The following GRSF1 variants were observed in gnomAD, a reference collection of about 807,000 sequenced individuals.
GRSF1 encodes the protein G-rich RNA sequence binding factor 1.
In GRSF1, 50 loss-of-function variants were observed where a neutral mutation model predicts 51.1. The observed-to-expected ratio is 0.98, with a 90% CI of 0.78 to 1.24. The LOEUF is 1.24. Among genes scored for constraint, GRSF1 ranks in the 50% most tolerant of loss-of-function variants. The probability of loss-of-function intolerance (pLI) is 0.00; values close to 1 mark genes in which losing one functional copy is unlikely to be tolerated. For synonymous variants in GRSF1, 293 were observed against 253.3 expected (o/e 1.16, Z -1.49); for missense variants, 700 against 639.7 (o/e 1.09, Z -1.02).
intron 5 of GRSF1, 128 bp from the exon 6 acceptor site, chr4:70,828,164 GTAGGGAAAACTAATAATGCA>G: frequency 1.5e-6 from 1 of 681,304 alleles, no homozygotes; most frequent in South Asian, 1.8e-5. Flanking sequence ...AAGATAACAG[GTAGGGAAAACTAATAATGCA>G]TACAGATAGT....
chr4:70,832,179 G>T, intron 4 of GRSF1, 128 bp downstream of exon 4: 1 of 549,116 alleles, frequency 1.8e-6, no homozygotes, highest in Non-Finnish European at 3.0e-6. Context: ...TTTAAGTGAA[G>T]AGCTCTCCCC....
intron 3 of GRSF1, among the ~76,000 whole-genome samples, 195 bp from the exon 4 acceptor site, chr4:70,832,645 C>T (rs554193816): frequency 6.6e-6 from 1 of 152,304 alleles, no homozygotes; most frequent in Non-Finnish European, 1.5e-5. Flanking sequence ...TTATTTCTCA[C>T]AGCTTGTAAG....
intron 6 of GRSF1, 83 bp from the exon 7 acceptor site, chr4:70,826,328 G>T: frequency 8.6e-7 from 1 of 1,168,510 alleles, no homozygotes; most frequent in African/African-American, 1.6e-5. Context: ...TGACTTTTAT[G>T]TCCAAATCCT....
chr4:70,824,756 C>G (rs1343046513), intron 8 of GRSF1, among the ~76,000 whole-genome samples: 1 of 152,138 alleles, frequency 6.6e-6, no homozygotes, highest in Non-Finnish European at 1.5e-5. Context: ...GCACTACAGA[C>G]TGGGCGACAG....
chr4:70,831,192 C>T (rs965505871), intron 5 of GRSF1, among the ~76,000 whole-genome samples: 1 of 151,926 alleles, frequency 6.6e-6, no homozygotes, highest in Non-Finnish European at 1.5e-5. Context: ...CCCGTCTCTA[C>T]TAAAAATACA....
chr4:70,838,316 T>C (rs11729825), intron 1 of GRSF1, among the ~76,000 whole-genome samples: 16,980 of 151,168 alleles, frequency 0.11, 1,353 homozygotes, highest in Non-Finnish European at 0.18. Context: ...ATCACCGCAG[T>C]CAATTTCATA....
At chr4:70,826,348 T>C (rs1328807438) in intron 6 of GRSF1, 103 bp from the exon 7 acceptor site, 2 of 983,574 alleles carry the variant, frequency 2.0e-6, no homozygotes, top group African/African-American at 3.3e-5. Context: ...TCAATTCCTC[T>C]TAAGAGCATT....
At chr4:70,840,949 T>C (rs557293151), upstream of GRSF1, among the ~76,000 whole-genome samples, 55 of 152,140 alleles carry the variant, frequency 3.6e-4, no homozygotes, top group African/African-American at 1.3e-3. Flanking sequence ...ATATCAGAGA[T>C]TTGGTACCCC....
In GRSF1 at chr4:70,832,444, T is replaced by C; in HGVS notation, c.677A>G (p.Glu226Gly). ...YMGQRYVEVY[E>G]INNEDVDALM... is the part of the protein sequence containing the mutation. The stretch of plus-strand genomic sequence containing the variant: ...GGCATCCACATCTTCATTGTTTATC[T>C]CATATACTACGAAGAAAAAACCCAA... Residue 226 changes from glutamate (E) to glycine (G), a missense_variant, in exon 4 of 10, where the codon GAG becomes GGG. Coordinates refer to ENST00000254799, the MANE Select transcript of GRSF1 (RefSeq NM_002092.4). 1.9e-6 allele frequency: 3 copies of C among 1,598,968 alleles called. No individual in the cohort carries two copies. The highest frequency in any genetic ancestry group is 1.7e-6 in the Non-Finnish European group (2 of 1,167,108).
intron 6 of GRSF1, 137 bp downstream of exon 6, chr4:70,827,715 G>GCTGC (rs1733792088): frequency 3.1e-6 from 2 of 636,594 alleles, no homozygotes; most frequent in Admixed American, 2.8e-5. Context: ...GGAGGTAGAG[G>GCTGC]CTGCAGTCAG....
chr4:70,830,446 T>TAAAA (rs75517390), intron 5 of GRSF1, among the ~76,000 whole-genome samples: 4 of 124,846 alleles, frequency 3.2e-5, no homozygotes, highest in African/African-American at 1.2e-4. Flanking sequence ...CCCTGTGTCT[T>TAAAA]AAAAAAAAAA....
chr4:70,823,637 A>G (rs1342124330), intron 9 of GRSF1, among the ~76,000 whole-genome samples: 1 of 151,886 alleles, frequency 6.6e-6, no homozygotes, highest in African/African-American at 2.4e-5. Context: ...TGGGAGGCAA[A>G]GGCAGCAGGA....
chr4:70,837,988 T>C (rs957452256), intron 1 of GRSF1, among the ~76,000 whole-genome samples: 1 of 151,522 alleles, frequency 6.6e-6, no homozygotes, highest in Non-Finnish European at 1.5e-5. Context: ...TCCCAGCACT[T>C]TGGGAGGCAG....
intron 6 of GRSF1, among the ~76,000 whole-genome samples, chr4:70,827,211 C>T (rs996453193): frequency 6.6e-6 from 1 of 151,486 alleles, no homozygotes; most frequent in Non-Finnish European, 1.5e-5. Flanking sequence ...TGGCGTGAAC[C>T]TGGGAGGCGG....
rs1734208384 is a variant in GRSF1 at position 70,836,324 on chromosome 4, GA to G, written c.358-11del. Reference sequence around the variant, plus strand: ...AAGTAGTTTTGGACTCCTTCCAAAGGAAATGAAGAATTGTAAAAAGAGTTGC... The same window carrying G: ...AAGTAGTTTTGGACTCCTTCCAAAGGAATGAAGAATTGTAAAAAGAGTTGC... On this transcript the variant is annotated splice_polypyrimidine_tract_variant and intron_variant, in intron 1 of 9. Transcript: ENST00000254799. 5 of 1,540,446 alleles carry G rather than the reference GA, an allele frequency of 3.2e-6. No individual in the cohort carries two copies. Among genetic ancestry groups the G allele is most frequent in the Non-Finnish European group, 4.4e-6 (5 of 1,146,376 alleles).
In GRSF1 at chr4:70,825,285, G is replaced by T. The variant is rs1171288765; in HGVS notation, c.1393+11C>A. The T allele has an allele frequency of 1.3e-6, 2 of 1,592,622 alleles. No homozygotes were observed. The highest frequency in any genetic ancestry group is 8.6e-7 in the Non-Finnish European group (1 of 1,164,438). On this transcript the variant is annotated intron_variant, in intron 8 of 9. Transcript: ENST00000254799. ...TCAAAAATGACAACAAAAGCCAAAGGCAGGACTTACGAACGTGGGACCGAT... is the reference window on the plus strand; with the variant it reads ...TCAAAAATGACAACAAAAGCCAAAGTCAGGACTTACGAACGTGGGACCGAT...
chr4:70,831,905 C>T (rs1381443819), intron 4 of GRSF1, among the ~76,000 whole-genome samples: 2 of 87,346 alleles, frequency 2.3e-5, no homozygotes, highest in Admixed American at 3.5e-4. Context: ...CAATTCTCCC[C>T]ACCAGTTTTT....
At chr4:70,834,648 GTCTC>G (rs1192101651) in intron 2 of GRSF1, among the ~76,000 whole-genome samples, 1 of 152,142 alleles carries the variant, frequency 6.6e-6, no homozygotes. Context: ...TTGAGACAGA[GTCTC>G]TCTCTGTCAC....
chr4:70,842,388 C>T (rs1298154918), upstream of GRSF1, among the ~76,000 whole-genome samples: 1 of 151,978 alleles, frequency 6.6e-6, no homozygotes, highest in Non-Finnish European at 1.5e-5. Context: ...CCCACCCCAG[C>T]CAAAAAAGAG....
Sources: gnomAD v4.1 joint callset for allele counts (sites outside exome capture counted in the v4.1 genomes callset) on GRCh38, gnomAD v4.1.1 for gene constraint, MANE v1.5 for transcripts, NCBI Gene and HGNC (gene_info 2026-07-23, HGNC 2026-07-21) for gene names.